The following XKR4 variants were observed in gnomAD, a reference collection of about 807,000 sequenced individuals.
XKR4 encodes the protein XK-related protein 4.
Under a neutral mutation model 53.9 loss-of-function variants are expected in XKR4, and 12 were observed. The ratio of observed to expected loss-of-function variants is 0.22; its 90% CI spans 0.14 to 0.36. The LOEUF (loss-of-function observed/expected upper bound fraction) is 0.36, where lower values mean the gene tolerates loss of function less well. XKR4 is among the 10% of genes least tolerant of loss of function. The pLI is 1.00. For missense variants in XKR4, 799 were observed against 859.5 expected (o/e 0.93, Z 0.88); for synonymous variants, 354 against 362.4 (o/e 0.98, Z 0.26).
intron 1 of XKR4, among the ~76,000 whole-genome samples, chr8:55,308,672 G>T (rs1243963656): frequency 6.6e-6 from 1 of 152,088 alleles, no homozygotes; most frequent in African/African-American, 2.4e-5. Context: ...TCAGAAAAAT[G>T]AAAATTTGTG....
rs1807098303 is a variant in XKR4, at chr8:55,541,379, T to C, written c.*17152T>C. On this transcript the variant is annotated 3_prime_UTR_variant, in exon 3 of 3. Transcript: ENST00000327381. ...TTTGCCTTAAACATTTTGTGCTCCT[T>C]TCCCTGTTCAATTTTTTTGTTTTGT... The C allele has an allele frequency of 6.6e-6, 1 of 152,184 alleles. No homozygotes were observed. The highest frequency in any genetic ancestry group is 2.4e-5 in the African/African-American group (1 of 41,442). The allele number at this position is 152,184 out of a possible 1,614,324, so 9.4% of individuals were successfully genotyped here. A position where few individuals can be genotyped will look rare whatever the true frequency, so the allele number is the denominator to read the frequency against.
intron 2 of XKR4, among the ~76,000 whole-genome samples, chr8:55,473,180 C>T (rs1805915685): frequency 1.3e-5 from 2 of 152,118 alleles, no homozygotes; most frequent in Non-Finnish European, 2.9e-5. Context: ...AGCTTTAAAG[C>T]TGGGACCTTC....
At chr8:55,299,938 C>G (rs770575389) in intron 1 of XKR4, among the ~76,000 whole-genome samples, 1 of 152,072 alleles carries the variant, frequency 6.6e-6, no homozygotes, top group Admixed American at 6.5e-5. Context: ...CCAACTCACA[C>G]TCACTGAAAC....
chr8:55,357,706 C>T lies in XKR4; in HGVS notation c.835C>T (p.Arg279Ter). Residue 279 changes from arginine (R) to a stop codon, truncating the protein, a stop_gained, in exon 2 of 3, where the codon CGA (arginine) becomes TGA (stop). Transcript: ENST00000327381. LOFTEE classifies it high-confidence loss of function. Reference protein sequence around the residue: ...RYFHTIYLGIRSRQSGENDRW... With the variant: ...RYFHTIYLGI The stretch of plus-strand genomic sequence containing the variant: ...TTTCCACACAATATACTTAGGTATT[C>T]GAAGCCGACAGAGTGGGGAGAATGA... The T allele has an allele frequency of 6.2e-7, 1 of 1,614,102 alleles. No individual in the cohort carries two copies. The highest frequency in any genetic ancestry group is 8.5e-7 in the Non-Finnish European group (1 of 1,180,004).
chr8:55,334,043 A>G (rs533942232), intron 1 of XKR4, among the ~76,000 whole-genome samples: 5 of 152,182 alleles, frequency 3.3e-5, no homozygotes, highest in Non-Finnish European at 7.4e-5. Context: ...GGAGTTTCCT[A>G]GTGTACCATG....
At chr8:55,230,392 C>G (rs1289452497) in intron 1 of XKR4, among the ~76,000 whole-genome samples, 1 of 115,348 alleles carries the variant, frequency 8.7e-6, no homozygotes, top group Non-Finnish European at 1.8e-5. Context: ...GACAGGGTTT[C>G]TCTCCCATCA....
chr8:55,198,153 C>A (rs957430003), intron 1 of XKR4, among the ~76,000 whole-genome samples: 1 of 152,194 alleles, frequency 6.6e-6, no homozygotes, highest in Non-Finnish European at 1.5e-5. Flanking sequence ...AAATTCAGGG[C>A]AGAATTCCTC....
At chr8:55,418,221 G>A (rs571251525) in intron 2 of XKR4, among the ~76,000 whole-genome samples, 2 of 152,240 alleles carry the variant, frequency 1.3e-5, no homozygotes, top group East Asian at 3.9e-4. Context: ...TCATGGAGGG[G>A]GTGTGGATAG....
At chr8:55,355,147 G>A (rs567683743) in intron 1 of XKR4, among the ~76,000 whole-genome samples, 43 of 151,670 alleles carry the variant, frequency 2.8e-4, no homozygotes, top group Non-Finnish European at 5.3e-4. Context: ...CAGGTGGTCC[G>A]CCCACCTCAG....
At chr8:55,388,373 A>G (rs1346955216) in intron 2 of XKR4, among the ~76,000 whole-genome samples, 2 of 152,230 alleles carry the variant, frequency 1.3e-5, no homozygotes, top group Admixed American at 6.5e-5. Context: ...AATTTTTACT[A>G]TTGACAGATG....
intron 1 of XKR4, among the ~76,000 whole-genome samples, chr8:55,325,063 C>A (rs1413366701): frequency 6.6e-6 from 1 of 151,990 alleles, no homozygotes; most frequent in Non-Finnish European, 1.5e-5. Context: ...AAAGATGGAC[C>A]ATGTATTTTA....
intron 1 of XKR4, among the ~76,000 whole-genome samples, chr8:55,105,585 ATAT>A (rs1350609478): frequency 6.6e-6 from 1 of 152,164 alleles, no homozygotes; most frequent in Non-Finnish European, 1.5e-5. Flanking sequence ...ATCAGATATA[ATAT>A]TCTGGAAATA....
At chr8:55,259,931 C>G (rs1818495676) in intron 1 of XKR4, among the ~76,000 whole-genome samples, 1 of 151,914 alleles carries the variant, frequency 6.6e-6, no homozygotes, top group Non-Finnish European at 1.5e-5. Flanking sequence ...ACTGCCCCTC[C>G]CCACCCCTTG....
At chr8:55,282,538 G>A (rs1818857525) in intron 1 of XKR4, among the ~76,000 whole-genome samples, 1 of 151,998 alleles carries the variant, frequency 6.6e-6, no homozygotes, top group African/African-American at 2.4e-5. Flanking sequence ...AGAGAGGAGA[G>A]GGATGCCACA....
intron 1 of XKR4, among the ~76,000 whole-genome samples, chr8:55,249,315 G>C (rs1488039844): frequency 6.6e-6 from 1 of 152,180 alleles, no homozygotes; most frequent in Non-Finnish European, 1.5e-5. Flanking sequence ...GCCACCTGGG[G>C]TTTATGTCTT....
At chr8:55,336,703 G>T (rs915319003) in intron 1 of XKR4, among the ~76,000 whole-genome samples, 2 of 152,030 alleles carry the variant, frequency 1.3e-5, no homozygotes, top group Non-Finnish European at 2.9e-5. Flanking sequence ...ATGGTTGCCT[G>T]GGGGAGAAAG....
intron 1 of XKR4, among the ~76,000 whole-genome samples, chr8:55,328,147 G>A (rs1803322230): frequency 6.6e-6 from 1 of 152,148 alleles, no homozygotes; most frequent in Non-Finnish European, 1.5e-5. Flanking sequence ...CCACCCTCAT[G>A]ATCCGATTAC....
intron 2 of XKR4, among the ~76,000 whole-genome samples, chr8:55,410,247 G>A (rs1041219139): frequency 5.3e-5 from 8 of 151,960 alleles, no homozygotes; most frequent in African/African-American, 9.7e-5. Flanking sequence ...TACTCCAATC[G>A]GCCTCATCCT....
At chr8:55,355,487 G>A (rs1346297287) in intron 1 of XKR4, among the ~76,000 whole-genome samples, 1 of 152,080 alleles carries the variant, frequency 6.6e-6, no homozygotes, top group Non-Finnish European at 1.5e-5. Context: ...ACTACACATG[G>A]AAACCTGAAG....
Sources: gnomAD v4.1 joint callset for allele counts (sites outside exome capture counted in the v4.1 genomes callset) on GRCh38, gnomAD v4.1.1 for gene constraint, MANE v1.5 for transcripts, NCBI Gene and HGNC (gene_info 2026-07-23, HGNC 2026-07-21) for gene names.